The following METAP1 variants were observed in gnomAD, a reference collection of about 807,000 sequenced individuals.
METAP1 encodes methionyl aminopeptidase 1.
In METAP1, 28 loss-of-function variants were observed where a neutral mutation model predicts 53.8. The ratio of observed to expected loss-of-function variants is 0.52; its 90% CI spans 0.39 to 0.71. The LOEUF is 0.71. METAP1 is among the 30% of genes least tolerant of loss of function. The probability of loss-of-function intolerance (pLI) is 0.00; values close to 1 mark genes in which losing one functional copy is unlikely to be tolerated. For synonymous variants in METAP1, 181 were observed against 165.7 expected, an observed-to-expected ratio of 1.09 and a Z score of -0.71; for missense variants, 389 against 479.8, an observed-to-expected ratio of 0.81 and a Z score of 1.77.
intron 7 of METAP1, among the ~76,000 whole-genome samples, chr4:99,043,600 G>A (rs1045736736): frequency 6.6e-6 from 1 of 152,184 alleles, no homozygotes; most frequent in Non-Finnish European, 1.5e-5. Context: ...TGTGTTTGGT[G>A]CAGTGTATTT....
intron 4 of METAP1, among the ~76,000 whole-genome samples, chr4:99,038,906 AGT>A (rs1390787401): frequency 6.6e-6 from 1 of 152,182 alleles, no homozygotes. Context: ...AAAAATGTTA[AGT>A]GTAGCCTAAT....
intron 1 of METAP1, among the ~76,000 whole-genome samples, chr4:99,018,399 T>C (rs1251389012): frequency 1.3e-5 from 2 of 152,192 alleles, no homozygotes; most frequent in African/African-American, 4.8e-5. Flanking sequence ...TAATTGTAAA[T>C]GTGGTGGAGT....
chr4:99,035,760 A>G (rs186553526), intron 4 of METAP1, among the ~76,000 whole-genome samples: 4 of 152,226 alleles, frequency 2.6e-5, no homozygotes, highest in East Asian at 1.9e-4. Flanking sequence ...ATTCCCTCCT[A>G]TCTAAATTAA....
At chr4:99,011,721 A>G (rs1723478553) in intron 1 of METAP1, among the ~76,000 whole-genome samples, 1 of 152,072 alleles carries the variant, frequency 6.6e-6, no homozygotes, top group Admixed American at 6.6e-5. Context: ...CAGGCGGATC[A>G]CCTGAGGTTG....
chr4:99,000,247 G>C (rs907679986), intron 1 of METAP1, among the ~76,000 whole-genome samples: 1 of 152,194 alleles, frequency 6.6e-6, no homozygotes, highest in Admixed American at 6.5e-5. Flanking sequence ...GGCAGTTGCT[G>C]TCTCCTCTGG....
chr4:99,005,845 G>A lies in METAP1; in HGVS notation c.114+9978G>A, dbSNP rs115688111. On this transcript the variant is annotated intron_variant, in intron 1 of 10. Transcript: ENST00000296411. Reference sequence around the variant, plus strand: ...GGAAAACCAAGTACCAGGTCGTCTCGCTTACAAGTAGGAGCTAAGCTGTGG... The same window carrying A: ...GGAAAACCAAGTACCAGGTCGTCTCACTTACAAGTAGGAGCTAAGCTGTGG... The A allele has an allele frequency of 2.2e-3, 895 of 407,406 alleles. 5 individuals carry two copies. The highest frequency in any genetic ancestry group is 0.017 in the African/African-American group (810 of 47,886). The allele number at this position is 407,406 out of a possible 1,614,324, so 25.2% of individuals were successfully genotyped here.
intron 2 of METAP1, among the ~76,000 whole-genome samples, chr4:99,033,543 A>G (rs113093741): frequency 0.034 from 5,157 of 152,306 alleles, 129 homozygotes; most frequent in Admixed American, 0.052. Flanking sequence ...GTCAGCACAC[A>G]TAGATTAATA....
At chr4:99,023,017 C>T (rs1014049554) in intron 1 of METAP1, 2 of 1,447,778 alleles carry the variant, frequency 1.4e-6, no homozygotes, top group African/African-American at 1.4e-5. Flanking sequence ...CCGCTTCTTG[C>T]TGCCACAGGC....
chr4:99,033,805 T>G (rs1725231408), intron 2 of METAP1, among the ~76,000 whole-genome samples: 1 of 152,214 alleles, frequency 6.6e-6, no homozygotes, highest in Non-Finnish European at 1.5e-5. Flanking sequence ...GTTCTTTTAG[T>G]AAGAACATAA....
chr4:99,057,263 A>G (rs1727216503), intron 9 of METAP1, among the ~76,000 whole-genome samples: 1 of 152,234 alleles, frequency 6.6e-6, no homozygotes, highest in Non-Finnish European at 1.5e-5. Context: ...AAAATCATGT[A>G]GTTTCTATGG....
intron 9 of METAP1, among the ~76,000 whole-genome samples, chr4:99,049,089 G>T (rs979620619): frequency 6.6e-6 from 1 of 152,162 alleles, no homozygotes; most frequent in Non-Finnish European, 1.5e-5. Flanking sequence ...CACTGTGGGG[G>T]CAGGGCAGTT....
intron 1 of METAP1, among the ~76,000 whole-genome samples, chr4:99,018,093 T>G (rs1392650442): frequency 6.6e-6 from 1 of 152,276 alleles, no homozygotes; most frequent in Non-Finnish European, 1.5e-5. Context: ...AATTTACTTC[T>G]TAATGCATAA....
At chr4:99,057,938 A>T in intron 10 of METAP1, 120 bp downstream of exon 10, 1 of 780,330 alleles carries the variant, frequency 1.3e-6, no homozygotes, top group South Asian at 1.8e-5. Flanking sequence ...TCCCTGTCCC[A>T]CCTCAAACTT....
chr4:98,995,915 C>T (rs1326917920), intron 1 of METAP1, 48 bp downstream of exon 1: 3 of 1,415,596 alleles, frequency 2.1e-6, no homozygotes, highest in Non-Finnish European at 2.9e-6. Flanking sequence ...GGGACCCCTC[C>T]TCGCTTCTCC....
chr4:99,059,141 A>G (rs1014646938), intron 10 of METAP1, among the ~76,000 whole-genome samples: 5 of 152,258 alleles, frequency 3.3e-5, no homozygotes, highest in Non-Finnish European at 5.9e-5. Context: ...CTTTCTATAC[A>G]GCCAGCACAG....
intron 1 of METAP1, among the ~76,000 whole-genome samples, chr4:99,012,498 C>T (rs1398259055): frequency 6.6e-6 from 1 of 151,902 alleles, no homozygotes; most frequent in African/African-American, 2.4e-5. Context: ...TAGTCTCGAA[C>T]TGCTGACGTC....
At chr4:98,996,003 C>A in intron 1 of METAP1, 136 bp downstream of exon 1, 3 of 710,424 alleles carry the variant, frequency 4.2e-6, no homozygotes, top group Non-Finnish European at 7.2e-6. Context: ...CCTCCTCCCC[C>A]CACCCGCGTC....
At chr4:99,052,054 A>T (rs894559729) in intron 9 of METAP1, among the ~76,000 whole-genome samples, 4 of 152,366 alleles carry the variant, frequency 2.6e-5, no homozygotes, top group Admixed American at 2.6e-4. Flanking sequence ...AATATAGTGA[A>T]TATCACAATA....
intron 9 of METAP1, among the ~76,000 whole-genome samples, chr4:99,052,037 C>T (rs1415170493): frequency 6.6e-6 from 1 of 152,194 alleles, no homozygotes; most frequent in Non-Finnish European, 1.5e-5. Flanking sequence ...TGGTTCTAGA[C>T]CCTTGCAATA....
Sources: gnomAD v4.1 joint callset for allele counts (sites outside exome capture counted in the v4.1 genomes callset) on GRCh38, gnomAD v4.1.1 for gene constraint, MANE v1.5 for transcripts, NCBI Gene and HGNC (gene_info 2026-07-23, HGNC 2026-07-21) for gene names.